Variants in TRIO observed in about 807,000 individuals in gnomAD.
TRIO encodes the protein trio Rho guanine nucleotide exchange factor.
TRIO carries 58 observed loss-of-function variants against 351.9 expected under a neutral mutation model. The ratio of observed to expected loss-of-function variants is 0.16; its 90% CI spans 0.13 to 0.21. TRIO has a LOEUF of 0.21. Ranked by LOEUF, TRIO falls within the 10% of genes least tolerant of loss-of-function variation. TRIO has a pLI of 1.00. For synonymous variants in TRIO, 1,758 were observed against 1,595.7 expected (o/e 1.10, Z -2.42); for missense variants, 3,201 against 4,027.8 (o/e 0.79, Z 5.56).
chr5:14,244,071 G>T (rs1265286030), intron 1 of TRIO, among the ~76,000 whole-genome samples: 1 of 152,194 alleles, frequency 6.6e-6, no homozygotes, highest in Admixed American at 6.5e-5. Context: ...CGGGTGCGTT[G>T]CTTAAAATAA....
intron 1 of TRIO, among the ~76,000 whole-genome samples, chr5:14,230,908 C>A (rs1793380759): frequency 6.6e-6 from 1 of 152,192 alleles, no homozygotes; most frequent in South Asian, 2.1e-4. Context: ...GAGTTATGGC[C>A]CCTGCACATC....
At chr5:14,358,455 A>T in intron 12 of TRIO, 108 bp downstream of exon 12, 9 of 1,328,652 alleles carry the variant, frequency 6.8e-6, no homozygotes, top group Non-Finnish European at 6.2e-6. Flanking sequence ...TGTCCAGCTG[A>T]GTGCAGAGCT....
chr5:14,271,514 C>T (rs1484440912), intron 2 of TRIO, among the ~76,000 whole-genome samples: 2 of 152,202 alleles, frequency 1.3e-5, no homozygotes, highest in Admixed American at 1.3e-4. Flanking sequence ...CACCTAACTG[C>T]CCTCTCTTCT....
At chr5:14,368,511 C>T (rs149425527) in intron 16 of TRIO, among the ~76,000 whole-genome samples, 197 bp from the exon 17 acceptor site, 6 of 152,262 alleles carry the variant, frequency 3.9e-5, no homozygotes, top group Non-Finnish European at 7.4e-5. Flanking sequence ...CTAATTTAAA[C>T]ATAGATCTAG....
At chr5:14,280,676 A>G (rs1346909254) in intron 3 of TRIO, among the ~76,000 whole-genome samples, 1 of 152,150 alleles carries the variant, frequency 6.6e-6, no homozygotes, top group African/African-American at 2.4e-5. Context: ...GATCTGGGAT[A>G]CTCAGCTGGG....
At chr5:14,436,359 C>G (rs926069943) in intron 34 of TRIO, among the ~76,000 whole-genome samples, 1 of 152,170 alleles carries the variant, frequency 6.6e-6, no homozygotes, top group Non-Finnish European at 1.5e-5. Context: ...CCCCATGATT[C>G]AATTACTTCC....
chr5:14,493,261 C>T (rs1277944830), intron 49 of TRIO, among the ~76,000 whole-genome samples: 2 of 149,302 alleles, frequency 1.3e-5, no homozygotes, highest in East Asian at 3.9e-4. Context: ...ACAGGCACAC[C>T]TCAGGTTGTT....
At chr5:14,254,192 C>G (rs902565114) in intron 1 of TRIO, among the ~76,000 whole-genome samples, 2 of 151,600 alleles carry the variant, frequency 1.3e-5, no homozygotes, top group African/African-American at 4.9e-5. Context: ...CTCCCCCCCT[C>G]CCCCCGCCTG....
intron 11 of TRIO, among the ~76,000 whole-genome samples, chr5:14,340,027 G>C (rs1741794345): frequency 6.6e-6 from 1 of 152,184 alleles, no homozygotes; most frequent in African/African-American, 2.4e-5. Context: ...ATTGCTAAAA[G>C]ATACACATTG....
intron 1 of TRIO, among the ~76,000 whole-genome samples, chr5:14,254,940 A>G (rs1794947424): frequency 6.6e-6 from 1 of 152,210 alleles, no homozygotes; most frequent in South Asian, 2.1e-4. Flanking sequence ...CAGTTGAGAC[A>G]TAAATAGAAA....
intron 48 of TRIO, chr5:14,488,818 A>G: frequency 3.1e-6 from 2 of 654,446 alleles, no homozygotes; most frequent in Non-Finnish European, 2.8e-6. Context: ...GGAACGCTTT[A>G]CGTCACCGTG....
Position 14,291,197 on chromosome 5 carries a change from A to C in TRIO, c.1022A>C (p.Gln341Pro). 6.2e-7 allele frequency: 1 copy of C among 1,614,072 alleles called. No homozygotes were observed. The highest frequency in any genetic ancestry group is 8.5e-7 in the Non-Finnish European group (1 of 1,179,960). The change falls in exon 5 of 57, where the codon CAG becomes CCG. Residue 341 changes from glutamine to proline, a missense_variant. By Grantham distance (76) the Gln-to-Pro change is moderately conservative (BLOSUM62 -1). Transcript: ENST00000344204. ...VRKLKLDQCF[Q>P]LRLFEQDAEK... ...AAGCTGAAGCTGGACCAGTGCTTCCAGCTGAGGCTGTTTGAACAGGATGCT... is the reference window on the plus strand; with the variant it reads ...AAGCTGAAGCTGGACCAGTGCTTCCCGCTGAGGCTGTTTGAACAGGATGCT...
At chr5:14,330,504 T>C (rs781645823) in intron 9 of TRIO, among the ~76,000 whole-genome samples, 1 of 152,266 alleles carries the variant, frequency 6.6e-6, no homozygotes, top group Non-Finnish European at 1.5e-5. Context: ...TTTAATTTAA[T>C]CATTATTGCA....
At chr5:14,203,097 T>C (rs1791235275) in intron 1 of TRIO, among the ~76,000 whole-genome samples, 1 of 152,210 alleles carries the variant, frequency 6.6e-6, no homozygotes, top group South Asian at 2.1e-4. Context: ...GTCGTAACTT[T>C]TTAAAAAATG....
chr5:14,225,304 C>A (rs1441699102), intron 1 of TRIO, among the ~76,000 whole-genome samples: 2 of 152,180 alleles, frequency 1.3e-5, no homozygotes, highest in Non-Finnish European at 1.5e-5. Flanking sequence ...CGAAAATAAT[C>A]TAGGTGCTTA....
chr5:14,349,202 A>G (rs1425338094), intron 11 of TRIO, among the ~76,000 whole-genome samples: 3 of 142,224 alleles, frequency 2.1e-5, no homozygotes, highest in Non-Finnish European at 3.0e-5. Context: ...ATATGTGTGC[A>G]CACACATGAT....
chr5:14,474,707 A>G (rs937359344), intron 40 of TRIO, among the ~76,000 whole-genome samples: 2 of 152,132 alleles, frequency 1.3e-5, no homozygotes, highest in Non-Finnish European at 2.9e-5. Flanking sequence ...TCTGTCACCA[A>G]ACTGGAGTGT....
chr5:14,264,761 A>G (rs1795563034), intron 1 of TRIO, among the ~76,000 whole-genome samples: 1 of 152,170 alleles, frequency 6.6e-6, no homozygotes, highest in South Asian at 2.1e-4. Flanking sequence ...TGAGAGTATA[A>G]TCCTGCGGGC....
At chr5:14,165,850 G>T (rs1376602125) in intron 1 of TRIO, among the ~76,000 whole-genome samples, 1 of 152,226 alleles carries the variant, frequency 6.6e-6, no homozygotes, top group Non-Finnish European at 1.5e-5. Flanking sequence ...AGCCTCCAGA[G>T]GTAGGAACGC....
Sources: gnomAD v4.1 joint callset for allele counts (sites outside exome capture counted in the v4.1 genomes callset) on GRCh38, gnomAD v4.1.1 for gene constraint, MANE v1.5 for transcripts, NCBI Gene and HGNC (gene_info 2026-07-23, HGNC 2026-07-21) for gene names.